Variants in MORC1 observed in about 807,000 individuals in gnomAD.
MORC1 encodes MORC family CW-type zinc finger protein 1.
MORC1 carries 59 observed loss-of-function variants against 134.9 expected under a neutral mutation model. That is an observed-to-expected ratio of 0.44 (90% CI 0.35 to 0.54). MORC1 has a LOEUF of 0.54. Among genes scored for constraint, MORC1 ranks in the 20% least tolerant of loss-of-function variants. MORC1 has a pLI of 0.00. For missense variants in MORC1, 947 were observed against 1,134.5 expected, an observed-to-expected ratio of 0.83 and a Z score of 2.37; for synonymous variants, 395 against 391.7, an observed-to-expected ratio of 1.01 and a Z score of -0.10.
At chr3:109,041,419 T>G (rs1949543716) in intron 14 of MORC1, among the ~76,000 whole-genome samples, 1 of 150,642 alleles carries the variant, frequency 6.6e-6, no homozygotes, top group African/African-American at 2.4e-5. Flanking sequence ...AAAAAAATAT[T>G]GAATAAAAGT....
intron 17 of MORC1, among the ~76,000 whole-genome samples, chr3:109,013,355 G>A (rs1948742841): frequency 6.6e-6 from 1 of 152,010 alleles, no homozygotes; most frequent in Admixed American, 6.6e-5. Context: ...GTTAAGTGGA[G>A]GGCAAATTTC....
intron 21 of MORC1, 62 bp downstream of exon 21, chr3:109,000,495 T>C (rs1948373084): frequency 1.6e-6 from 2 of 1,218,418 alleles, no homozygotes; most frequent in African/African-American, 3.1e-5. Flanking sequence ...CACTAACAGA[T>C]CCCTCTAATC....
intron 8 of MORC1, among the ~76,000 whole-genome samples, chr3:109,091,441 C>CTAAAAAAA (rs1181880978): frequency 4.7e-5 from 1 of 21,140 alleles, no homozygotes; most frequent in Non-Finnish European, 1.2e-4. Flanking sequence ...GAGACTCCAT[C>CTAAAAAAA]TAAAAAAATA....
chr3:109,039,665 C>T (rs1012224635), intron 14 of MORC1, among the ~76,000 whole-genome samples: 1 of 152,080 alleles, frequency 6.6e-6, no homozygotes, highest in Admixed American at 6.6e-5. Context: ...TCCATGTTCC[C>T]GGAAGATCTT....
At chr3:109,052,270 G>GA (rs1307743951) in intron 14 of MORC1, among the ~76,000 whole-genome samples, 6 of 150,164 alleles carry the variant, frequency 4.0e-5, no homozygotes, top group Admixed American at 2.0e-4. Flanking sequence ...ACATGTCTCT[G>GA]AAAAAAAAAT....
chr3:108,963,760 G>A (rs1158184855), intron 26 of MORC1, 152 bp from the exon 27 acceptor site: 1 of 559,090 alleles, frequency 1.8e-6, no homozygotes, highest in Non-Finnish European at 3.1e-6. Flanking sequence ...ATACCCTTAA[G>A]GAACTTACAT....
chr3:108,960,357 A>G (rs1391434838), intron 27 of MORC1, among the ~76,000 whole-genome samples: 5 of 152,208 alleles, frequency 3.3e-5, no homozygotes, highest in Non-Finnish European at 5.9e-5. Flanking sequence ...AAAGCTTTCA[A>G]TGGAGATTTT....
chr3:109,084,540 G>T (rs991892378), intron 8 of MORC1, among the ~76,000 whole-genome samples: 1 of 152,054 alleles, frequency 6.6e-6, no homozygotes, highest in Non-Finnish European at 1.5e-5. Flanking sequence ...CCTCACTCAT[G>T]AATTGGAAGA....
intron 16 of MORC1, among the ~76,000 whole-genome samples, chr3:109,032,154 C>T (rs1418339017): frequency 6.6e-6 from 1 of 152,106 alleles, no homozygotes; most frequent in East Asian, 1.9e-4. Context: ...AAAAGCAATG[C>T]TTGACTTAGG....
At chr3:108,968,360 C>A (rs960868847) in intron 26 of MORC1, among the ~76,000 whole-genome samples, 1 of 152,114 alleles carries the variant, frequency 6.6e-6, no homozygotes, top group African/African-American at 2.4e-5. Context: ...CAAAGGCAAA[C>A]GTATGAACAA....
intron 14 of MORC1, among the ~76,000 whole-genome samples, chr3:109,043,185 A>G (rs1949598155): frequency 8.4e-5 from 2 of 23,820 alleles, no homozygotes; most frequent in East Asian, 1.7e-3. Flanking sequence ...ATGTGGCAAA[A>G]TGTGGGGGGG....
chr3:109,014,204 AT>A (rs1008498563), intron 17 of MORC1, among the ~76,000 whole-genome samples: 19 of 152,338 alleles, frequency 1.2e-4, no homozygotes, highest in Middle Eastern at 6.8e-3. Context: ...AAAGTCCCCT[AT>A]AACACTTTAC....
intron 1 of MORC1, among the ~76,000 whole-genome samples, chr3:109,117,331 C>CAAAA (rs202128565): frequency 1.8e-5 from 2 of 113,644 alleles, no homozygotes; most frequent in African/African-American, 3.4e-5. Context: ...CAAAAGATGT[C>CAAAA]AAAAAAAAAA....
chr3:109,061,873 G>C, intron 11 of MORC1, 115 bp downstream of exon 11: 1 of 930,796 alleles, frequency 1.1e-6, no homozygotes, highest in Non-Finnish European at 1.7e-6. Flanking sequence ...TTAATCTTCT[G>C]AGCTTATCTG....
chr3:109,049,095 A>G (rs1342758006), intron 14 of MORC1: 14 of 965,270 alleles, frequency 1.5e-5, no homozygotes, highest in Non-Finnish European at 1.6e-5. Flanking sequence ...AACTTGTCTC[A>G]TATTCTCACC....
chr3:108,978,059 A>C (rs1443820792), intron 24 of MORC1, among the ~76,000 whole-genome samples: 1 of 152,090 alleles, frequency 6.6e-6, no homozygotes, highest in Admixed American at 6.5e-5. Context: ...TTGTATTTTT[A>C]GTAGAGATGG....
rs1038982613 is a variant in MORC1, at chr3:108,963,548, T to C, written c.2665A>G (p.Ile889Val). The change falls in exon 27 of 28, where the codon ATC becomes GTC. Residue 889 changes from isoleucine to valine, a missense_variant. Coordinates refer to ENST00000232603, the MANE Select transcript of MORC1 (RefSeq NM_014429.4). ...KKIKRKLQSI[I>V]YDSNTRGIHN... ...ATTCCTCTTGTATTTGAATCATAGATAATGGACTGCAATTTCCTCTTTATT... is the reference window on the plus strand; with the variant it reads ...ATTCCTCTTGTATTTGAATCATAGACAATGGACTGCAATTTCCTCTTTATT... 14 of 1,601,866 alleles carry C rather than the reference T, an allele frequency of 8.7e-6. No homozygotes were observed. The highest frequency in any genetic ancestry group is 1.7e-4 in the Middle Eastern group (1 of 6,056).
At chr3:109,010,823 G>A (rs1948664642) in intron 17 of MORC1, among the ~76,000 whole-genome samples, 1 of 152,152 alleles carries the variant, frequency 6.6e-6, no homozygotes, top group African/African-American at 2.4e-5. Flanking sequence ...ATATTGCTGT[G>A]TGAATCAAGA....
At chr3:109,062,552 C>T (rs1375807686) in intron 10 of MORC1, among the ~76,000 whole-genome samples, 1 of 151,752 alleles carries the variant, frequency 6.6e-6, no homozygotes, top group African/African-American at 2.4e-5. Context: ...TCCTGAGTAG[C>T]TGGGACTACA....
Sources: gnomAD v4.1 joint callset for allele counts (sites outside exome capture counted in the v4.1 genomes callset) on GRCh38, gnomAD v4.1.1 for gene constraint, MANE v1.5 for transcripts, NCBI Gene and HGNC (gene_info 2026-07-23, HGNC 2026-07-21) for gene names.